STAG3: variants seen among roughly 807,000 people sequenced by gnomAD.
The protein encoded by STAG3 is STAG3 cohesin complex component, also known as cohesin subunit SA-3.
A neutral mutation model predicts 160.7 loss-of-function variants in STAG3; 101 were observed. The observed-to-expected ratio is 0.63, with a 90% CI of 0.54 to 0.74. The LOEUF (loss-of-function observed/expected upper bound fraction) is 0.74. Among genes scored for constraint, STAG3 ranks in the 30% least tolerant of loss-of-function variants. STAG3 has a pLI of 0.00. For missense variants in STAG3, 1,188 were observed against 1,517.4 expected (o/e 0.78, Z 3.61); for synonymous variants, 519 against 585.0 (o/e 0.89, Z 1.63).
At position 100,211,102 on chromosome 7, in the gene STAG3, C is replaced by T. The variant is rs928301246; in HGVS notation, c.3330C>T (p.Ser1110=). The part of the protein sequence containing the change: ...NSIPPTPTLT[S]TAVKSRQPLW... ...TCCCGCCCACGCCCACCCTCACCTC[C>T]ACAGCTGTGAAGAGCAGGCAGCCCC... Residue 1110 remains serine, a synonymous_variant, in exon 30 of 34, where the codon TCC becomes TCT. Coordinates refer to ENST00000615138, the MANE Select transcript of STAG3 (RefSeq NM_001282717.2). 1.2e-6 allele frequency: 2 copies of T among 1,613,256 alleles called. No individual in the cohort carries two copies. Among genetic ancestry groups the T allele is most frequent in the African/African-American group, 2.7e-5 (2 of 74,874 alleles).
At chr7:100,211,233 C>A in intron 30 of STAG3, 48 bp downstream of exon 30, 1 of 1,532,062 alleles carries the variant, frequency 6.5e-7, no homozygotes, top group Non-Finnish European at 8.8e-7. Context: ...AGTTTGGTGT[C>A]TGGCTGCCTC....
chr7:100,201,715 G>C, intron 21 of STAG3, 71 bp from the exon 22 acceptor site: 1 of 1,286,946 alleles, frequency 7.8e-7, no homozygotes, highest in Non-Finnish European at 1.1e-6. Flanking sequence ...CTCTTCACTG[G>C]TGTGTTTCTG....
At chr7:100,186,921 C>G (rs574782115) in intron 5 of STAG3, among the ~76,000 whole-genome samples, 58 of 152,270 alleles carry the variant, frequency 3.8e-4, no homozygotes, top group African/African-American at 1.4e-3. Context: ...CTGTGGTACC[C>G]CCAGAACTCT....
intron 5 of STAG3, among the ~76,000 whole-genome samples, chr7:100,187,035 T>G (rs1483195438): frequency 6.6e-6 from 1 of 151,976 alleles, no homozygotes; most frequent in Non-Finnish European, 1.5e-5. Context: ...GTTTTGTTTT[T>G]TTTTGTTTTT....
intron 15 of STAG3, 56 bp from the exon 16 acceptor site, chr7:100,199,485 G>A: frequency 1.3e-6 from 2 of 1,563,726 alleles, no homozygotes; most frequent in Non-Finnish European, 1.7e-6. Flanking sequence ...GGGGAGCTTG[G>A]AGTTGGAAGG....
chr7:100,196,225 C>T (rs1485058854), intron 9 of STAG3, among the ~76,000 whole-genome samples: 2 of 152,086 alleles, frequency 1.3e-5, no homozygotes, highest in African/African-American at 4.8e-5. Flanking sequence ...CTGATGTAAC[C>T]TTTTCTTAAT....
At chr7:100,202,715 G>A in intron 25 of STAG3, 125 bp downstream of exon 25, 1 of 1,279,030 alleles carries the variant, frequency 7.8e-7, no homozygotes, top group Non-Finnish European at 1.1e-6. Flanking sequence ...AGAAGTAGGA[G>A]GGAAAGGCAC....
chr7:100,200,472 A>G lies in STAG3; in HGVS notation c.1790A>G (p.Lys597Arg), dbSNP rs376825315. 3.1e-6 allele frequency: 5 copies of G among 1,614,038 alleles called. No homozygotes were observed. The highest frequency in any genetic ancestry group is 4.2e-6 in the Non-Finnish European group (5 of 1,180,052). Reference sequence around the variant, plus strand: ...TCACAGTTCTCAGCTGATGCAGAGAAGGTCACTCCCCTGCTCCAGCTTCTC... The same window carrying G: ...TCACAGTTCTCAGCTGATGCAGAGAGGGTCACTCCCCTGCTCCAGCTTCTC... ...LLAKFSADAE[K>R]VTPLLQLLSC... The change falls in exon 18 of 34, where the codon AAG (lysine) becomes AGG (arginine). Residue 597 changes from lysine (K) to arginine (R), a missense_variant. Coordinates refer to ENST00000615138, the MANE Select transcript of STAG3 (RefSeq NM_001282717.2).
Position 100,198,500 on chromosome 7 carries a change from G to A in STAG3, c.1270G>A (p.Ala424Thr), listed in dbSNP as rs777238186. 8.1e-6 allele frequency: 13 copies of A among 1,614,094 alleles called. No homozygotes were observed. Among genetic ancestry groups the A allele is most frequent in the South Asian group, 5.5e-5 (5 of 91,088 alleles). Residue 424 changes from alanine to threonine, a missense_variant, in exon 13 of 34, where the codon GCG (alanine) becomes ACG (threonine). This residue lies in a region of STAG3 where 240 missense variants were observed against 358.1 expected (regional missense o/e 0.67). Transcript: ENST00000615138. ...LKNMEGVLTDADCESVYPVVY... is the reference protein window; with the variant it reads ...LKNMEGVLTDTDCESVYPVVY... ...GAACATGGAAGGGGTGCTGACGGACGCGGATTGTGAGAGCGTCTACCCAGT... is the reference window on the plus strand; with the variant it reads ...GAACATGGAAGGGGTGCTGACGGACACGGATTGTGAGAGCGTCTACCCAGT...
rs755017612 is a variant in STAG3 at position 100,198,128 on chromosome 7, G to A, written c.1206G>A (p.Val402=). 5 of 1,613,830 alleles carry A rather than the reference G, an allele frequency of 3.1e-6. No individual in the cohort carries two copies. Among genetic ancestry groups the A allele is most frequent in the Non-Finnish European group, 4.2e-6 (5 of 1,179,880 alleles). The change falls in exon 12 of 34, where the codon GTG becomes GTA. Residue 402 remains valine, a synonymous_variant. Transcript: ENST00000615138. ...VSMVMDREYD[V]AVEAVRLLIL... is the part of the protein sequence containing the mutation. ...TGGTCATGGACAGAGAGTATGATGT[G>A]GCAGTGGAGGCTGTCAGATTACTGA...
At chr7:100,181,585 A>C (rs1364314743) in intron 2 of STAG3, 2 of 152,542 alleles carry the variant, frequency 1.3e-5, no homozygotes, top group East Asian at 1.9e-4. Context: ...TACTAGGAAG[A>C]GTTGTCCTTC....
At chr7:100,180,079 T>C (rs1406572962) in intron 1 of STAG3, among the ~76,000 whole-genome samples, 1 of 150,800 alleles carries the variant, frequency 6.6e-6, no homozygotes, top group East Asian at 2.0e-4. Context: ...GGGGACAGGG[T>C]CTTCTTCTGT....
intron 5 of STAG3, 49 bp from the exon 6 acceptor site, chr7:100,188,404 A>G (rs370421894): frequency 4.8e-5 from 58 of 1,217,432 alleles, no homozygotes; most frequent in Non-Finnish European, 6.8e-5. Flanking sequence ...AAATGATCAA[A>G]GCATCCTGTT....
rs369534677 is a variant in STAG3, at chr7:100,204,580, C to T, written c.2803-47C>T. The T allele has an allele frequency of 4.5e-5, 72 of 1,593,506 alleles. 1 individual carries two copies. In the African/African-American group the frequency reaches 6.5e-4, roughly 14 times the overall value. On this transcript the variant is annotated intron_variant, in intron 26 of 33. Transcript: ENST00000615138. ...AGAGAATGCTGGACTTCTCTGTTTC[C>T]GCCGTGTTCCTCCCTTTCCCACATG...
chr7:100,186,807 C>T (rs1037802306), intron 5 of STAG3, among the ~76,000 whole-genome samples: 9 of 152,162 alleles, frequency 5.9e-5, no homozygotes, highest in African/African-American at 9.7e-5. Flanking sequence ...GAAGTAATCA[C>T]GCTTATGTTA....
At chr7:100,188,392 G>A in intron 5 of STAG3, 61 bp from the exon 6 acceptor site, 2 of 1,130,038 alleles carry the variant, frequency 1.8e-6, no homozygotes, top group Non-Finnish European at 2.7e-6. Context: ...AGGTATATCT[G>A]TAAATGATCA....
intron 13 of STAG3, 85 bp downstream of exon 13, chr7:100,198,667 C>A: frequency 7.2e-7 from 1 of 1,389,498 alleles, no homozygotes; most frequent in Non-Finnish European, 1.0e-6. Flanking sequence ...TAAGGCTTCC[C>A]CATCTCTGTG....
chr7:100,185,487 A>G (rs1799934683), intron 4 of STAG3, among the ~76,000 whole-genome samples: 1 of 151,930 alleles, frequency 6.6e-6, no homozygotes, highest in Non-Finnish European at 1.5e-5. Flanking sequence ...CTGTAATCCC[A>G]GCTACTTGTG....
chr7:100,178,584 T>G (rs1799425700), intron 1 of STAG3, among the ~76,000 whole-genome samples: 1 of 151,812 alleles, frequency 6.6e-6, no homozygotes, highest in Non-Finnish European at 1.5e-5. Flanking sequence ...CTTTTTTTTT[T>G]TTTTCCATTT....
Sources: gnomAD v4.1 joint callset for allele counts (sites outside exome capture counted in the v4.1 genomes callset) on GRCh38, gnomAD v4.1.1 for gene constraint, gnomAD v4.1.1 regional missense constraint, MANE v1.5 for transcripts, NCBI Gene and HGNC (gene_info 2026-07-23, HGNC 2026-07-21) for gene names.